The following RIMS2 variants were observed in gnomAD, a reference collection of about 807,000 sequenced individuals.
The protein encoded by RIMS2 is regulating synaptic membrane exocytosis 2, also known as regulating synaptic membrane exocytosis protein 2.
A neutral mutation model predicts 174.4 loss-of-function variants in RIMS2; 59 were observed. The ratio of observed to expected loss-of-function variants is 0.34; its 90% CI spans 0.27 to 0.42. RIMS2 has a LOEUF of 0.42. Ranked by LOEUF, RIMS2 falls within the 10% of genes least tolerant of loss-of-function variation. RIMS2 has a pLI of 1.00. For missense variants in RIMS2, 1,620 were observed against 1,666.3 expected, an observed-to-expected ratio of 0.97 and a Z score of 0.48; for synonymous variants, 606 against 572.5, an observed-to-expected ratio of 1.06 and a Z score of -0.84.
chr8:103,833,286 A>G (rs771436139), intron 3 of RIMS2, among the ~76,000 whole-genome samples: 6 of 152,090 alleles, frequency 3.9e-5, no homozygotes, highest in Non-Finnish European at 8.8e-5. Context: ...GTTTCCTTCA[A>G]AAATTTATCT....
rs893002529 is a variant in RIMS2, at chr8:103,500,781, A to C, written c.-106A>C. 1.3e-5 allele frequency: 8 copies of C among 614,994 alleles called. No individual in the cohort carries two copies. The allele number at this position is 614,994 out of a possible 1,614,324, so 38.1% of individuals were successfully genotyped here. ...CTTGGATTGAAGGCCATTGATTTGT[A>C]TGTATTTGTCCCAGCGCTGGAGGCT... On this transcript the variant is annotated 5_prime_UTR_variant, in exon 1 of 24. The change abolishes an upstream ATG in the 5' untranslated region. Coordinates refer to ENST00000504942, the Ensembl canonical transcript of RIMS2.
chr8:104,155,606 G>A (rs920095718), intron 19 of RIMS2, among the ~76,000 whole-genome samples: 1 of 150,482 alleles, frequency 6.6e-6, no homozygotes, highest in African/African-American at 2.4e-5. Flanking sequence ...GTGGAGATGG[G>A]GTTTCACCGT....
At chr8:104,015,141 A>G (rs913556045) in intron 19 of RIMS2, among the ~76,000 whole-genome samples, 1 of 152,186 alleles carries the variant, frequency 6.6e-6, no homozygotes, top group Non-Finnish European at 1.5e-5. Context: ...ACTCACATGA[A>G]CATACTTCCC....
chr8:103,988,528 C>T (rs563544342), intron 16 of RIMS2, among the ~76,000 whole-genome samples: 1 of 152,288 alleles, frequency 6.6e-6, no homozygotes, highest in South Asian at 2.1e-4. Flanking sequence ...GGTGGGATCT[C>T]TGCTCACTGC....
chr8:103,741,679 A>C (rs1234422992), intron 2 of RIMS2, among the ~76,000 whole-genome samples: 1 of 152,114 alleles, frequency 6.6e-6, no homozygotes, highest in Non-Finnish European at 1.5e-5. Flanking sequence ...AGGATTTGGA[A>C]AATGCTCATT....
chr8:104,070,298 C>A (rs2097175194), intron 19 of RIMS2, among the ~76,000 whole-genome samples: 1 of 152,110 alleles, frequency 6.6e-6, no homozygotes, highest in African/African-American at 2.4e-5. Flanking sequence ...TCACAGAATT[C>A]TGATATACTG....
At chr8:103,602,682 A>C (rs577351855) in intron 1 of RIMS2, among the ~76,000 whole-genome samples, 20 of 152,274 alleles carry the variant, frequency 1.3e-4, no homozygotes, top group African/African-American at 4.6e-4. Context: ...TATGTTCTAC[A>C]CTTTCTTCAT....
At chr8:104,213,924 T>C (rs934487676) in intron 19 of RIMS2, among the ~76,000 whole-genome samples, 6 of 150,072 alleles carry the variant, frequency 4.0e-5, no homozygotes, top group Non-Finnish European at 7.4e-5. Context: ...AGAAGAGAAA[T>C]AACCGCAAAT....
At chr8:104,243,569 CCAGCTA>C (rs2099314079) in intron 19 of RIMS2, among the ~76,000 whole-genome samples, 2 of 151,990 alleles carry the variant, frequency 1.3e-5, no homozygotes, top group African/African-American at 4.8e-5. Context: ...ACCTGTAATC[CCAGCTA>C]CTTGGGAGGC....
chr8:103,862,958 C>G (rs913329784), intron 3 of RIMS2, among the ~76,000 whole-genome samples: 15 of 152,004 alleles, frequency 9.9e-5, no homozygotes, highest in African/African-American at 3.4e-4. Context: ...ATTTATTTAT[C>G]TTTTTCTTGC....
intron 4 of RIMS2, among the ~76,000 whole-genome samples, chr8:103,908,392 T>G: frequency 6.6e-6 from 1 of 152,306 alleles, no homozygotes; most frequent in South Asian, 2.1e-4. Context: ...ATATGTCCAC[T>G]AGGTTCAAAT....
intron 19 of RIMS2, among the ~76,000 whole-genome samples, chr8:104,186,231 C>T (rs958766197): frequency 9.2e-5 from 14 of 151,434 alleles, no homozygotes; most frequent in African/African-American, 2.7e-4. Flanking sequence ...AATGGAGATT[C>T]GGAAGAGTGA....
chr8:103,885,227 C>G, intron 3 of RIMS2, 71 bp from the exon 7 acceptor site: 1 of 1,464,268 alleles, frequency 6.8e-7, no homozygotes, highest in East Asian at 2.5e-5. Context: ...ATCAACCTGC[C>G]AGCAAATCAA....
At chr8:103,627,497 G>A (rs992291845) in intron 1 of RIMS2, among the ~76,000 whole-genome samples, 2 of 152,202 alleles carry the variant, frequency 1.3e-5, no homozygotes, top group Non-Finnish European at 2.9e-5. Flanking sequence ...AGTATTGATT[G>A]GGGAAGTGAT....
intron 2 of RIMS2, among the ~76,000 whole-genome samples, chr8:103,761,492 C>A (rs1021710707): frequency 2.0e-5 from 3 of 152,316 alleles, no homozygotes. Context: ...TTCCCAGGCA[C>A]CTTTTTTTCC....
chr8:103,751,889 T>C (rs931412710), intron 2 of RIMS2, among the ~76,000 whole-genome samples: 17 of 151,996 alleles, frequency 1.1e-4, no homozygotes, highest in African/African-American at 3.9e-4. Flanking sequence ...TTCTCCCATT[T>C]TGTAGGTTGC....
intron 19 of RIMS2, among the ~76,000 whole-genome samples, chr8:104,125,711 C>T (rs1366073295): frequency 1.3e-5 from 2 of 151,976 alleles, no homozygotes; most frequent in East Asian, 3.9e-4. Context: ...CAGGTGTCTC[C>T]AGTTTGAAAA....
At chr8:103,894,672 A>T (rs2099267109) in intron 4 of RIMS2, among the ~76,000 whole-genome samples, 1 of 151,632 alleles carries the variant, frequency 6.6e-6, no homozygotes, top group Admixed American at 6.6e-5. Context: ...ACCCTAATTA[A>T]GTGAAATGTT....
intron 2 of RIMS2, among the ~76,000 whole-genome samples, chr8:103,739,670 A>G (rs1239359495): frequency 6.6e-6 from 1 of 152,148 alleles, no homozygotes; most frequent in Admixed American, 6.6e-5. Flanking sequence ...CTAACTTTTG[A>G]TCCAGTCATT....
Sources: gnomAD v4.1 joint callset for allele counts (sites outside exome capture counted in the v4.1 genomes callset) on GRCh38, gnomAD v4.1.1 for gene constraint, MANE v1.5 for transcripts, NCBI Gene and HGNC (gene_info 2026-07-23, HGNC 2026-07-21) for gene names.